The following JPH3 variants were observed in gnomAD, a reference collection of about 807,000 sequenced individuals.
The protein encoded by JPH3 is junctophilin-3.
A neutral mutation model predicts 59.6 loss-of-function variants in JPH3; 11 were observed. The ratio of observed to expected loss-of-function variants is 0.18; its 90% confidence interval spans 0.12 to 0.31. JPH3 has a LOEUF of 0.31. JPH3 is among the 10% of genes least tolerant of loss of function. JPH3 has a pLI of 1.00. For synonymous variants in JPH3, 673 were observed against 483.6 expected (o/e 1.39, Z -5.14); for missense variants, 1,202 against 1,105.7 (o/e 1.09, Z -1.24).
At chr16:87,682,913 T>C (rs1406915936) in intron 2 of JPH3, among the ~76,000 whole-genome samples, 1 of 152,262 alleles carries the variant, frequency 6.6e-6, no homozygotes, top group Non-Finnish European at 1.5e-5. Flanking sequence ...CCCCACATTC[T>C]GCCTTCGGGA....
intron 4 of JPH3, chr16:87,696,025 C>G (rs2033829845): frequency 2.2e-6 from 1 of 455,952 alleles, no homozygotes; most frequent in African/African-American, 2.0e-5. Context: ...CCTCCAGAGC[C>G]AGTTGGCGTG....
At chr16:87,634,261 C>A (rs558875437) in intron 1 of JPH3, among the ~76,000 whole-genome samples, 1 of 152,096 alleles carries the variant, frequency 6.6e-6, no homozygotes, top group African/African-American at 2.4e-5. Flanking sequence ...GCACAACAGG[C>A]GAAGACCCCA....
chr16:87,610,600 G>C (rs1309033618), intron 1 of JPH3, among the ~76,000 whole-genome samples: 2 of 152,152 alleles, frequency 1.3e-5, no homozygotes, highest in African/African-American at 4.8e-5. Flanking sequence ...CCTTAGAATT[G>C]GACGTAGTTA....
At chr16:87,686,318 G>C (rs969320010) in intron 3 of JPH3, among the ~76,000 whole-genome samples, 22 of 151,756 alleles carry the variant, frequency 1.4e-4, no homozygotes, top group Non-Finnish European at 3.1e-4. Context: ...TTCCTGGAGG[G>C]CTCAGTCCTG....
intron 4 of JPH3, chr16:87,695,476 C>T: frequency 2.2e-6 from 1 of 455,888 alleles, no homozygotes. Flanking sequence ...TGAACAGCTC[C>T]TTACCACAGT....
chr16:87,630,810 G>A (rs564284941), intron 1 of JPH3, among the ~76,000 whole-genome samples: 2 of 152,208 alleles, frequency 1.3e-5, no homozygotes, highest in African/African-American at 4.8e-5. Context: ...GACTCCTACT[G>A]TAGTAGATGG....
At chr16:87,620,482 A>AGAGG (rs2031142114) in intron 1 of JPH3, among the ~76,000 whole-genome samples, 1 of 102,614 alleles carries the variant, frequency 9.7e-6, no homozygotes, top group African/African-American at 3.6e-5. Flanking sequence ...AGGAGAGAAG[A>AGAGG]GAGGGAGAGG....
chr16:87,690,347 G>C lies in JPH3; in HGVS notation c.1987G>C (p.Glu663Gln), dbSNP rs777519785. The C allele has an allele frequency of 6.4e-7, 1 of 1,571,254 alleles. No homozygotes were observed. The change falls in exon 4 of 5, where the codon GAG becomes CAG. Residue 663 changes from glutamate to glutamine, a missense_variant. Transcript: ENST00000284262. Reference sequence around the variant, plus strand: ...ACTGCGGTCCAAGGCCCAGAACAAGGAGAACTTCAGGCCGGCCTCCTCCGC... The same window carrying C: ...ACTGCGGTCCAAGGCCCAGAACAAGCAGAACTTCAGGCCGGCCTCCTCCGC... ...QRLRSKAQNK[E>Q]NFRPASSAEP...
intron 2 of JPH3, among the ~76,000 whole-genome samples, chr16:87,646,026 T>C (rs752157646): frequency 3.9e-5 from 6 of 152,192 alleles, no homozygotes; most frequent in Non-Finnish European, 8.8e-5. Flanking sequence ...CCGGAGAGTC[T>C]TGGGGCAGGG....
At chr16:87,645,888 G>C (rs1400915308) in intron 2 of JPH3, among the ~76,000 whole-genome samples, 1 of 152,202 alleles carries the variant, frequency 6.6e-6, no homozygotes, top group Non-Finnish European at 1.5e-5. Flanking sequence ...GTAGGCATTT[G>C]GGTTCTAAAG....
intron 2 of JPH3, among the ~76,000 whole-genome samples, chr16:87,653,233 C>T (rs1370376336): frequency 6.6e-6 from 1 of 152,220 alleles, no homozygotes. Flanking sequence ...GTGATGCCTG[C>T]TCTGAAAGGG....
rs146241774 is a variant in JPH3 at position 87,660,606 on chromosome 16, C to G, written c.1160+15571C>G. On this transcript the variant is annotated intron_variant, in intron 2 of 4. Coordinates refer to ENST00000284262, the MANE Select transcript of JPH3 (RefSeq NM_020655.4). ...TTGTAGTCACTGCAGCCCTCCCAGT[C>G]TCCCCGTTTTGTAGAGGAAGCCACA... Among the ~76,000 whole-genome samples, 219 of 152,332 alleles carry G rather than the reference C, an allele frequency of 1.4e-3. 1 individual carries two copies. Among genetic ancestry groups the G allele is most frequent in the Middle Eastern group, 6.8e-3 (2 of 294 alleles).
At chr16:87,651,388 T>C (rs1335404479) in intron 2 of JPH3, among the ~76,000 whole-genome samples, 2 of 152,182 alleles carry the variant, frequency 1.3e-5, no homozygotes, top group Non-Finnish European at 2.9e-5. Context: ...AAGAAATACA[T>C]TTAGTAAGGC....
intron 4 of JPH3, among the ~76,000 whole-genome samples, chr16:87,692,056 C>G (rs185022970): frequency 3.0e-4 from 46 of 152,270 alleles, no homozygotes; most frequent in African/African-American, 1.1e-3. Context: ...ACATGCTGCC[C>G]TGGTCCTGCC....
chr16:87,694,132 C>G (rs1381743870), intron 4 of JPH3: 1 of 152,608 alleles, frequency 6.6e-6, no homozygotes, highest in African/African-American at 2.4e-5. Flanking sequence ...AGGTGGGCAC[C>G]CAGGTGTGGG....
chr16:87,683,853 G>A (rs981723990), intron 2 of JPH3: 1 of 358,306 alleles, frequency 2.8e-6, no homozygotes, highest in Non-Finnish European at 5.1e-6. Flanking sequence ...CGATCTTCCT[G>A]CCTTGGCCTC....
At chr16:87,671,357 AG>A (rs910213765) in intron 2 of JPH3, among the ~76,000 whole-genome samples, 2 of 152,120 alleles carry the variant, frequency 1.3e-5, no homozygotes, top group Non-Finnish European at 2.9e-5. Context: ...AGGGGCCCCG[AG>A]GGCCTGGTTG....
intron 2 of JPH3, among the ~76,000 whole-genome samples, chr16:87,675,418 C>T (rs904124019): frequency 6.6e-6 from 1 of 152,228 alleles, no homozygotes; most frequent in Non-Finnish European, 1.5e-5. Context: ...TGGGCAGGAC[C>T]TGCCCTGTGC....
intron 1 of JPH3, among the ~76,000 whole-genome samples, chr16:87,621,425 G>A (rs563193884): frequency 6.6e-6 from 1 of 152,350 alleles, no homozygotes; most frequent in East Asian, 1.9e-4. Context: ...GCCTGGTTCT[G>A]AGCCCTGTGA....
Sources: gnomAD v4.1 joint callset for allele counts (sites outside exome capture counted in the v4.1 genomes callset) on GRCh38, gnomAD v4.1.1 for gene constraint, MANE v1.5 for transcripts, NCBI Gene and HGNC (gene_info 2026-07-23, HGNC 2026-07-21) for gene names.